CLASP1: variants seen among roughly 807,000 people sequenced by gnomAD.
CLASP1 encodes cytoplasmic linker associated protein 1.
Under a neutral mutation model 192.3 loss-of-function variants are expected in CLASP1, and 38 were observed. That is an observed-to-expected ratio of 0.20 (90% CI 0.15 to 0.26). The LOEUF is 0.26. Ranked by LOEUF, CLASP1 falls within the 10% of genes least tolerant of loss-of-function variation. The pLI, the probability that CLASP1 is intolerant of heterozygous loss-of-function variation, is 1.00. For missense variants in CLASP1, 1,433 were observed against 1,932.5 expected, an observed-to-expected ratio of 0.74 and a Z score of 4.85; for synonymous variants, 691 against 712.8, an observed-to-expected ratio of 0.97 and a Z score of 0.49.
chr2:121,452,561 C>T (rs932891376), intron 14 of CLASP1, among the ~76,000 whole-genome samples: 4 of 152,118 alleles, frequency 2.6e-5, no homozygotes, highest in Admixed American at 1.3e-4. Flanking sequence ...GAGGCCAAGG[C>T]GGGCGGATCA....
chr2:121,407,162 G>C (rs1295376375), intron 25 of CLASP1, among the ~76,000 whole-genome samples: 3 of 150,808 alleles, frequency 2.0e-5, no homozygotes, highest in Non-Finnish European at 2.9e-5. Flanking sequence ...GCTGCAGTGA[G>C]CCAAGATCGT....
rs1053064603 is a variant in CLASP1 at position 121,448,225 on chromosome 2, T to C, written c.1741+51A>G. ...CTGGGCAGCCTCTTGCAGCTGCACGTACAGCCCACCAGAGCGGAGAACAGG... is the reference window on the plus strand; with the variant it reads ...CTGGGCAGCCTCTTGCAGCTGCACGCACAGCCCACCAGAGCGGAGAACAGG... On this transcript the variant is annotated intron_variant, in intron 18 of 39. Transcript: ENST00000263710. 5.2e-6 allele frequency: 8 copies of C among 1,533,762 alleles called. No individual in the cohort carries two copies. The Admixed American group carries it at 1.3e-4, about 26-fold the overall frequency.
At chr2:121,463,109 C>G (rs535972844) in intron 9 of CLASP1, among the ~76,000 whole-genome samples, 2 of 152,196 alleles carry the variant, frequency 1.3e-5, no homozygotes, top group African/African-American at 4.8e-5. Context: ...ATTTTTTTCA[C>G]TTAAGAATCA....
Position 121,355,246 on chromosome 2 carries a change from G to A in CLASP1, c.4207-6528C>T, listed in dbSNP as rs1284651364. Among the ~76,000 whole-genome samples the A allele has an allele frequency of 2.0e-5, 3 of 152,152 alleles. No individual in the cohort carries two copies. In the South Asian group the frequency reaches 6.2e-4, roughly 32 times the overall value. ...GGGTTCAAGCGATTCTCCTGCCTCA[G>A]CCTCCGAGTAGCTGGGACTACAGGC... On this transcript the variant is annotated intron_variant, in intron 37 of 39. Coordinates refer to ENST00000263710, the Ensembl canonical transcript of CLASP1.
intron 23 of CLASP1, among the ~76,000 whole-genome samples, chr2:121,412,912 T>G (rs2077960451): frequency 6.6e-6 from 1 of 152,166 alleles, no homozygotes; most frequent in Non-Finnish European, 1.5e-5. Context: ...GATGAATACC[T>G]ATGACTGTGC....
intron 37 of CLASP1, among the ~76,000 whole-genome samples, chr2:121,355,380 C>T (rs547663284): frequency 3.3e-5 from 5 of 152,278 alleles, no homozygotes; most frequent in Admixed American, 1.3e-4. Flanking sequence ...CTGCCCACCT[C>T]GGCCTCCCAA....
At chr2:121,544,040 G>A (rs2095283323) in intron 2 of CLASP1, among the ~76,000 whole-genome samples, 3 of 152,142 alleles carry the variant, frequency 2.0e-5, no homozygotes, top group Non-Finnish European at 4.4e-5. Flanking sequence ...GCGATTATGT[G>A]GCTTAAATAA....
intron 2 of CLASP1, chr2:121,530,720 CG>C (rs2094763246): frequency 7.8e-6 from 4 of 514,100 alleles, no homozygotes; most frequent in Non-Finnish European, 1.4e-5. Context: ...TGCGACCCTT[CG>C]GGAGCCTCAG....
rs114178319 is a variant in CLASP1 at position 121,598,473 on chromosome 2, T to C, written c.195+7228A>G. 4.9e-3 allele frequency among the ~76,000 whole-genome samples: 748 copies of C among 152,370 alleles called. 9 individuals carry two copies. The highest frequency in any genetic ancestry group is 0.017 in the African/African-American group (725 of 41,574). ...AATACAACGATTCATATTAGTTGAATATTTCAAAGAGCATATGGTCTCACA... is the reference window on the plus strand; with the variant it reads ...AATACAACGATTCATATTAGTTGAACATTTCAAAGAGCATATGGTCTCACA... On this transcript the variant is annotated intron_variant, in intron 2 of 39. Transcript: ENST00000263710.
chr2:121,587,171 G>C (rs886698074), intron 2 of CLASP1, among the ~76,000 whole-genome samples: 2 of 152,134 alleles, frequency 1.3e-5, no homozygotes, highest in Admixed American at 1.3e-4. Context: ...AACCTGGAAG[G>C]CGGAGGTTGC....
At chr2:121,611,299 T>C (rs1489700173) in intron 1 of CLASP1, among the ~76,000 whole-genome samples, 1 of 65,540 alleles carries the variant, frequency 1.5e-5, no homozygotes, top group Admixed American at 1.8e-4. Flanking sequence ...GTTGGAGGAG[T>C]TACAGGAGAA....
At chr2:121,341,694 G>A (rs987616538) in intron 39 of CLASP1, among the ~76,000 whole-genome samples, 26 of 152,148 alleles carry the variant, frequency 1.7e-4, no homozygotes, top group African/African-American at 6.3e-4. Flanking sequence ...ATAAGACTTC[G>A]ATACTCCACC....
At position 121,503,237 on chromosome 2, in the gene CLASP1, G is replaced by A. The variant is rs199507535; in HGVS notation, c.645-3C>T. On this transcript the variant is annotated splice_region_variant and splice_polypyrimidine_tract_variant and intron_variant, in intron 7 of 39. Coordinates refer to ENST00000263710, the Ensembl canonical transcript of CLASP1. ...ATTTTGTAAAAATTACATTCAACCTGTATGAAAGAAAAATGTAAACAAACT... is the reference window on the plus strand; with the variant it reads ...ATTTTGTAAAAATTACATTCAACCTATATGAAAGAAAAATGTAAACAAACT... The A allele has an allele frequency of 1.5e-5, 23 of 1,494,116 alleles. No individual in the cohort carries two copies. The highest frequency in any genetic ancestry group is 7.9e-5 in the Admixed American group (4 of 50,592). 92.6% of individuals were successfully genotyped at this position (1,494,116 alleles called of 1,614,324 possible). A position where few individuals can be genotyped will look rare whatever the true frequency, so the allele number is the denominator to read the frequency against.
chr2:121,588,323 A>G (rs527626177), intron 2 of CLASP1, among the ~76,000 whole-genome samples: 1 of 152,306 alleles, frequency 6.6e-6, no homozygotes, highest in African/African-American at 2.4e-5. Flanking sequence ...CCTTATACAT[A>G]TCAATACCTA....
intron 1 of CLASP1, among the ~76,000 whole-genome samples, chr2:121,638,971 C>T (rs2071469695): frequency 6.6e-6 from 1 of 152,146 alleles, no homozygotes; most frequent in East Asian, 1.9e-4. Flanking sequence ...GCCCAGCCAA[C>T]AATGGAGTAC....
At chr2:121,475,920 C>T (rs1435896354) in intron 8 of CLASP1, among the ~76,000 whole-genome samples, 1 of 152,124 alleles carries the variant, frequency 6.6e-6, no homozygotes, top group Non-Finnish European at 1.5e-5. Flanking sequence ...AGCATCACCT[C>T]CTTTGATTCT....
intron 16 of CLASP1, among the ~76,000 whole-genome samples, chr2:121,450,083 G>T (rs1477108128): frequency 6.6e-6 from 1 of 152,152 alleles, no homozygotes; most frequent in Admixed American, 6.5e-5. Flanking sequence ...TGTAATTCCA[G>T]CACTTTGGGA....
intron 36 of CLASP1, among the ~76,000 whole-genome samples, chr2:121,363,505 TG>T (rs2066800499): frequency 6.6e-6 from 1 of 152,198 alleles, no homozygotes; most frequent in Admixed American, 6.5e-5. Context: ...AGGCAGGCAC[TG>T]TGCCTTAGGG....
At chr2:121,366,829 G>T (rs2067498646) in intron 35 of CLASP1, among the ~76,000 whole-genome samples, 1 of 152,008 alleles carries the variant, frequency 6.6e-6, no homozygotes, top group Admixed American at 6.6e-5. Context: ...AAATAATTCA[G>T]TTCCCGAAAA....
Sources: gnomAD v4.1 joint callset for allele counts (sites outside exome capture counted in the v4.1 genomes callset) on GRCh38, gnomAD v4.1.1 for gene constraint, MANE v1.5 for transcripts, NCBI Gene and HGNC (gene_info 2026-07-23, HGNC 2026-07-21) for gene names.